PLCL1: variants seen among roughly 807,000 people sequenced by gnomAD.
The protein encoded by PLCL1 is phospholipase C like 1 (inactive).
A neutral mutation model predicts 84.4 loss-of-function variants in PLCL1; 41 were observed. That is an observed-to-expected ratio of 0.49 (90% CI 0.38 to 0.63). PLCL1 has a LOEUF of 0.63. PLCL1 is among the 30% of genes least tolerant of loss of function. PLCL1 has a pLI of 0.00. For synonymous variants in PLCL1, 490 were observed against 488.3 expected, an observed-to-expected ratio of 1.00 and a Z score of -0.05; for missense variants, 1,206 against 1,367.8, an observed-to-expected ratio of 0.88 and a Z score of 1.87.
intron 5 of PLCL1, among the ~76,000 whole-genome samples, chr2:198,120,454 A>T (rs1385711730): frequency 6.6e-6 from 1 of 151,896 alleles, no homozygotes; most frequent in South Asian, 2.1e-4. Flanking sequence ...AACCATCCTC[A>T]TCTCCCCTCA....
At chr2:197,899,223 A>C (rs781499578) in intron 1 of PLCL1, among the ~76,000 whole-genome samples, 1 of 152,168 alleles carries the variant, frequency 6.6e-6, no homozygotes, top group Non-Finnish European at 1.5e-5. Flanking sequence ...TTTTAGACAC[A>C]TATTTCATAA....
intron 5 of PLCL1, among the ~76,000 whole-genome samples, chr2:198,118,957 T>G (rs921546324): frequency 2.0e-5 from 3 of 152,066 alleles, no homozygotes; most frequent in Non-Finnish European, 4.4e-5. Flanking sequence ...TTCAGTCATT[T>G]CAAAAGGATT....
rs186930186 is a variant in PLCL1, at chr2:197,810,138, T to C, written c.240+4799T>C. 3.9e-4 allele frequency: 102 copies of C among 263,598 alleles called. 1 individual carries two copies. Among genetic ancestry groups the C allele is most frequent in the African/African-American group, 2.2e-3 (96 of 43,132 alleles). 16.3% of individuals were successfully genotyped at this position (263,598 alleles called of 1,614,324 possible). On this transcript the variant is annotated intron_variant, in intron 1 of 5. Transcript: ENST00000428675. ...CCGAGATGTGATTTGGCTGCATGAATGGCATGAACCTCTTAGGTAGATTTG... is the reference window on the plus strand; with the variant it reads ...CCGAGATGTGATTTGGCTGCATGAACGGCATGAACCTCTTAGGTAGATTTG...
intron 1 of PLCL1, among the ~76,000 whole-genome samples, chr2:198,021,425 C>CA (rs1691130557): frequency 6.6e-6 from 1 of 151,960 alleles, no homozygotes; most frequent in South Asian, 2.1e-4. Flanking sequence ...GATAGAGACA[C>CA]AAAAAACGCT....
At chr2:197,890,172 T>G (rs1020718432) in intron 1 of PLCL1, among the ~76,000 whole-genome samples, 5 of 152,226 alleles carry the variant, frequency 3.3e-5, no homozygotes, top group Non-Finnish European at 5.9e-5. Flanking sequence ...TGACAACAGA[T>G]AGTTTCTTTA....
At chr2:198,011,940 G>T (rs1690877804) in intron 1 of PLCL1, among the ~76,000 whole-genome samples, 1 of 151,950 alleles carries the variant, frequency 6.6e-6, no homozygotes, top group Non-Finnish European at 1.5e-5. Context: ...CTCTCTGTAG[G>T]TTCCTGTTTA....
intron 1 of PLCL1, among the ~76,000 whole-genome samples, chr2:198,021,140 G>A (rs1337797981): frequency 6.6e-6 from 1 of 152,174 alleles, no homozygotes; most frequent in African/African-American, 2.4e-5. Context: ...ACCTGTTCCT[G>A]AATGACTACT....
intron 1 of PLCL1, among the ~76,000 whole-genome samples, chr2:198,048,530 T>C (rs1026222916): frequency 2.6e-5 from 4 of 152,230 alleles, no homozygotes; most frequent in Admixed American, 1.3e-4. Flanking sequence ...TGGTGAGGCC[T>C]CTGGAAACTT....
intron 1 of PLCL1, among the ~76,000 whole-genome samples, chr2:197,931,007 A>C (rs2105765153): frequency 6.6e-6 from 1 of 152,262 alleles, no homozygotes; most frequent in Middle Eastern, 3.4e-3. Flanking sequence ...ACAGAAGGTC[A>C]TGAGGGAGGG....
At chr2:197,910,981 C>T (rs952830590) in intron 1 of PLCL1, among the ~76,000 whole-genome samples, 1 of 151,988 alleles carries the variant, frequency 6.6e-6, no homozygotes, top group Non-Finnish European at 1.5e-5. Flanking sequence ...GTAAACTAAG[C>T]CTGAACACAT....
intron 1 of PLCL1, among the ~76,000 whole-genome samples, chr2:197,857,090 C>T (rs374788738): frequency 6.6e-6 from 1 of 151,916 alleles, no homozygotes; most frequent in South Asian, 2.1e-4. Flanking sequence ...CACATGTTTA[C>T]CTATGTAACA....
chr2:198,134,977 G>A (rs1476225536), intron 5 of PLCL1, among the ~76,000 whole-genome samples: 1 of 152,174 alleles, frequency 6.6e-6, no homozygotes, highest in Non-Finnish European at 1.5e-5. Flanking sequence ...CAATTTAACA[G>A]TAACTTTTTA....
chr2:198,138,853 C>A (rs961519675), intron 5 of PLCL1, among the ~76,000 whole-genome samples: 4 of 152,112 alleles, frequency 2.6e-5, no homozygotes, highest in Non-Finnish European at 5.9e-5. Context: ...CTTTGGAGTA[C>A]TTTTAAAGAT....
At chr2:197,938,564 A>G (rs370118777) in intron 1 of PLCL1, among the ~76,000 whole-genome samples, 1 of 152,172 alleles carries the variant, frequency 6.6e-6, no homozygotes, top group Admixed American at 6.5e-5. Flanking sequence ...ACCATCCTCA[A>G]AACACGGTTT....
At chr2:198,068,412 A>T (rs1294171229) in intron 1 of PLCL1, among the ~76,000 whole-genome samples, 1 of 152,228 alleles carries the variant, frequency 6.6e-6, no homozygotes, top group East Asian at 1.9e-4. Flanking sequence ...TTAAATACTA[A>T]AGAAGAAAGT....
At chr2:198,122,564 C>T (rs1693894017) in intron 5 of PLCL1, among the ~76,000 whole-genome samples, 1 of 152,042 alleles carries the variant, frequency 6.6e-6, no homozygotes, top group African/African-American at 2.4e-5. Flanking sequence ...CCTTTGGTCT[C>T]AGTTACACTT....
intron 1 of PLCL1, among the ~76,000 whole-genome samples, chr2:197,856,369 TTATAGGA>T (rs1222044898): frequency 6.6e-6 from 1 of 152,186 alleles, no homozygotes; most frequent in Non-Finnish European, 1.5e-5. Context: ...TTCTTTAGCA[TTATAGGA>T]TCTTAGATTT....
At chr2:197,984,574 G>A (rs990999216) in intron 1 of PLCL1, among the ~76,000 whole-genome samples, 2 of 151,830 alleles carry the variant, frequency 1.3e-5, no homozygotes, top group African/African-American at 4.8e-5. Flanking sequence ...TTCAATAATG[G>A]GTTTCTTTCC....
intron 2 of PLCL1, 57 bp from the exon 3 acceptor site, chr2:198,088,801 G>A (rs1459849764): frequency 4.2e-6 from 4 of 960,970 alleles, no homozygotes; most frequent in East Asian, 2.4e-5. Flanking sequence ...ACCTGGGAGT[G>A]CTGGCGGTGA....
Sources: gnomAD v4.1 joint callset for allele counts (sites outside exome capture counted in the v4.1 genomes callset) on GRCh38, gnomAD v4.1.1 for gene constraint, MANE v1.5 for transcripts, NCBI Gene and HGNC (gene_info 2026-07-23, HGNC 2026-07-21) for gene names.